The following UBR1 variants were observed in gnomAD, a reference collection of about 807,000 sequenced individuals.
The protein encoded by UBR1 is E3 ubiquitin-protein ligase UBR1.
A neutral mutation model predicts 242.1 loss-of-function variants in UBR1; 102 were observed. That is an observed-to-expected ratio of 0.42 (90% confidence interval 0.36 to 0.50). The LOEUF (loss-of-function observed/expected upper bound fraction) is 0.50, where lower values mean the gene tolerates loss of function less well. UBR1 is among the 20% of genes least tolerant of loss of function. The probability of loss-of-function intolerance (pLI) is 0.01; values close to 1 mark genes in which losing one functional copy is unlikely to be tolerated. For missense variants in UBR1, 1,772 were observed against 2,101.8 expected (o/e 0.84, Z 3.07); for synonymous variants, 675 against 684.8 (o/e 0.99, Z 0.22).
chr15:43,070,880 T>G lies in UBR1; in HGVS notation c.574A>C (p.Lys192Gln). 6.2e-7 allele frequency: 1 copy of G among 1,613,850 alleles called. No individual in the cohort carries two copies. The highest frequency in any genetic ancestry group is 1.3e-5 in the African/African-American group (1 of 75,050). Residue 192 changes from lysine to glutamine, a missense_variant, in exon 5 of 47, where the codon AAA becomes CAA. Transcript: ENST00000290650. The stretch of plus-strand genomic sequence containing the variant: ...TATTTTATCACTGAAGGAAATATTT[T>G]CCTGGCTTGGACAATTACCTCTTCA... The part of the protein sequence containing the change: ...LNEEVIVQAR[K>Q]IFPSVIKYVV...
At chr15:42,975,283 G>A (rs1247626701) in intron 39 of UBR1, among the ~76,000 whole-genome samples, 1 of 152,142 alleles carries the variant, frequency 6.6e-6, no homozygotes, top group Non-Finnish European at 1.5e-5. Context: ...CTACACTATA[G>A]CCACTATTCT....
At chr15:42,976,638 T>C in intron 39 of UBR1, 79 bp downstream of exon 39, 1 of 1,524,294 alleles carries the variant, frequency 6.6e-7, no homozygotes, top group Non-Finnish European at 9.1e-7. Context: ...ATACATTATA[T>C]AATCACAAGA....
At chr15:42,982,449 T>C (rs997228537) in intron 37 of UBR1, among the ~76,000 whole-genome samples, 55 of 152,210 alleles carry the variant, frequency 3.6e-4, no homozygotes, top group African/African-American at 1.3e-3. Flanking sequence ...GGGAAAACTT[T>C]TAAGTGTGTG....
Position 42,970,513 on chromosome 15 carries a change from T to A in UBR1, c.4457+7A>T, listed in dbSNP as rs1238893594. ...ACAATAGACTGAACTAATGGATTGT[T>A]ACTCACCCACTTGTATATTGAGAAA... On this transcript the variant is annotated splice_region_variant and intron_variant, in intron 40 of 46. Coordinates refer to ENST00000290650, the MANE Select transcript of UBR1 (RefSeq NM_174916.3). 6.2e-7 allele frequency: 1 copy of A among 1,612,002 alleles called. No homozygotes were observed. Among genetic ancestry groups the A allele is most frequent in the Admixed American group, 1.7e-5 (1 of 60,018 alleles).
Position 43,002,632 on chromosome 15 carries a change from T to A in UBR1, c.3582A>T (p.Glu1194Asp), listed in dbSNP as rs771521806. 6.2e-7 allele frequency: 1 copy of A among 1,614,186 alleles called. No individual in the cohort carries two copies. The highest frequency in any genetic ancestry group is 1.1e-5 in the South Asian group (1 of 91,086). The change falls in exon 32 of 47, where the codon GAA becomes GAT. Residue 1194 changes from glutamate (E) to aspartate (D), a missense_variant. Physicochemically the swap from Glu to Asp is conservative, Grantham distance 45. This residue lies in a region of UBR1 where 965 missense variants were observed against 1,079.7 expected (regional missense o/e 0.89). Transcript: ENST00000290650. ...HVDLFDLESG[E>D]YLCPLCKSLC... is the part of the protein sequence containing the mutation. ...GAGATTTGCAAAGAGGGCAAAGATA[T>A]TCTCCACTTTCCAAGTCAAAAAGGT...
chr15:43,094,975 T>G (rs1047340217), intron 1 of UBR1, among the ~76,000 whole-genome samples: 37 of 152,340 alleles, frequency 2.4e-4, no homozygotes, highest in African/African-American at 8.9e-4. Context: ...TCCTATTTGT[T>G]GTATTCTCTT....
intron 2 of UBR1, 145 bp downstream of exon 2, chr15:43,085,839 C>T (rs575180363): frequency 3.4e-6 from 3 of 873,092 alleles, no homozygotes; most frequent in Non-Finnish European, 5.0e-6. Flanking sequence ...TTGCTTGAAC[C>T]TGGGAGGCAG....
intron 6 of UBR1, among the ~76,000 whole-genome samples, chr15:43,060,509 C>G (rs2033670585): frequency 6.6e-6 from 1 of 152,048 alleles, no homozygotes; most frequent in Non-Finnish European, 1.5e-5. Context: ...TACTTGTGGC[C>G]CATTAACGAG....
chr15:43,021,638 GA>G (rs1315317074), intron 26 of UBR1, among the ~76,000 whole-genome samples: 1 of 151,686 alleles, frequency 6.6e-6, no homozygotes, highest in Non-Finnish European at 1.5e-5. Context: ...ATAATGACAA[GA>G]AAAAAAAGTC....
chr15:42,945,140 TCC>T lies in UBR1; in HGVS notation c.*187_*188del. The T allele has an allele frequency of 1.3e-5, 9 of 701,676 alleles. No homozygotes were observed. Among genetic ancestry groups the T allele is most frequent in the Admixed American group, 1.3e-4 (5 of 39,064 alleles). The allele number at this position is 701,676 out of a possible 1,614,324, so 43.5% of individuals were successfully genotyped here. On this transcript the variant is annotated 3_prime_UTR_variant, in exon 47 of 47. Coordinates refer to ENST00000290650, the MANE Select transcript of UBR1 (RefSeq NM_174916.3). Reference sequence around the variant, plus strand: ...AAACAGATTGATCTATGTCCTTTTTTCCTGTGAAGCATATGTTTGCTAATTGA... The same window carrying T: ...AAACAGATTGATCTATGTCCTTTTTTTGTGAAGCATATGTTTGCTAATTGA...
chr15:42,948,073 G>A (rs2031767190), intron 46 of UBR1, among the ~76,000 whole-genome samples: 1 of 152,166 alleles, frequency 6.6e-6, no homozygotes, highest in African/African-American at 2.4e-5. Context: ...CATGGTACTG[G>A]TACCAAAACA....
At chr15:42,978,590 A>G (rs1046681103) in intron 37 of UBR1, among the ~76,000 whole-genome samples, 2 of 152,218 alleles carry the variant, frequency 1.3e-5, no homozygotes, top group Non-Finnish European at 2.9e-5. Context: ...GTTTATATAA[A>G]AATGAAGGAA....
chr15:42,964,168 C>CT, intron 41 of UBR1, 125 bp from the exon 42 acceptor site: 2 of 748,572 alleles, frequency 2.7e-6, no homozygotes, highest in South Asian at 3.0e-5. Context: ...ATTGCTTATT[C>CT]TATAAAACCA....
Position 43,070,682 on chromosome 15 carries a change from G to T in UBR1, c.659+113C>A, listed in dbSNP as rs2033813997. 3 of 1,497,548 alleles carry T rather than the reference G, an allele frequency of 2.0e-6. No homozygotes were observed. The South Asian group carries it at 3.4e-5, about 17-fold the overall frequency. The allele number at this position is 1,497,548 out of a possible 1,614,324, so 92.8% of individuals were successfully genotyped here. On this transcript the variant is annotated intron_variant, in intron 5 of 46. Coordinates refer to ENST00000290650, the MANE Select transcript of UBR1 (RefSeq NM_174916.3). Reference sequence around the variant, plus strand: ...ATATTCCCAAGAGATAAGTCACTAAGAATTTTTCATAATGATAATTAGGCA... The same window carrying T: ...ATATTCCCAAGAGATAAGTCACTAATAATTTTTCATAATGATAATTAGGCA...
chr15:42,957,820 T>A (rs191526970), intron 44 of UBR1, among the ~76,000 whole-genome samples, 193 bp downstream of exon 44: 241 of 152,072 alleles, frequency 1.6e-3, no homozygotes, highest in Middle Eastern at 6.8e-3. Context: ...TGAGCTATAG[T>A]CAAATCACTG....
rs2032991301 is a variant in UBR1 at position 43,014,874 on chromosome 15, G to C, written c.3209+814C>G. 5.3e-5 allele frequency among the ~76,000 whole-genome samples: 8 copies of C among 149,816 alleles called. No individual in the cohort carries two copies. The South Asian group carries it at 1.7e-3, about 32-fold the overall frequency. ...GCCCGGCCAGCCGCCCCGTCCCAGAGGGAGGTGGGGGGTCAGCCCCCGCCC... is the reference window on the plus strand; with the variant it reads ...GCCCGGCCAGCCGCCCCGTCCCAGACGGAGGTGGGGGGTCAGCCCCCGCCC... On this transcript the variant is annotated intron_variant, in intron 29 of 46. Coordinates refer to ENST00000290650, the MANE Select transcript of UBR1 (RefSeq NM_174916.3).
chr15:43,005,187 G>A (rs186437731), intron 30 of UBR1, among the ~76,000 whole-genome samples: 7 of 151,462 alleles, frequency 4.6e-5, no homozygotes, highest in Non-Finnish European at 8.8e-5. Flanking sequence ...CCCAGCAGCC[G>A]CCCCATCTGG....
At position 43,026,441 on chromosome 15, in the gene UBR1, C is replaced by T. The variant is rs2033178935; in HGVS notation, c.2535+120G>A. Reference sequence around the variant, plus strand: ...TGATTCAATTTTAATTCTTGGGTGACATAATGACCTCTATTAATAAGAACC... The same window carrying T: ...TGATTCAATTTTAATTCTTGGGTGATATAATGACCTCTATTAATAAGAACC... On this transcript the variant is annotated intron_variant, in intron 23 of 46. Transcript: ENST00000290650. 4.1e-6 allele frequency: 3 copies of T among 739,036 alleles called. No individual in the cohort carries two copies. In the South Asian group the frequency reaches 4.8e-5, roughly 12 times the overall value. The allele number at this position is 739,036 out of a possible 1,614,324, so 45.8% of individuals were successfully genotyped here.
At chr15:43,018,008 GTTTT>G (rs869188283) in intron 27 of UBR1, among the ~76,000 whole-genome samples, 1 of 138,414 alleles carries the variant, frequency 7.2e-6, no homozygotes, top group African/African-American at 2.6e-5. Context: ...TTGGTTTGTT[GTTTT>G]TTTTTTTTTT....
Sources: allele counts gnomAD v4.1 joint callset (sites outside exome capture counted in the v4.1 genomes callset), GRCh38; gene constraint gnomAD v4.1.1; regional missense constraint gnomAD v4.1.1; transcripts MANE v1.5; gene names NCBI Gene and HGNC (gene_info 2026-07-23, HGNC 2026-07-21).